PDE10A: variants seen among roughly 807,000 people sequenced by gnomAD.
PDE10A encodes the protein phosphodiesterase 10A.
A neutral mutation model predicts 97.7 loss-of-function variants in PDE10A; 39 were observed. The ratio of observed to expected loss-of-function variants is 0.40; its 90% CI spans 0.31 to 0.52. The LOEUF is 0.52. PDE10A is among the 20% of genes least tolerant of loss of function. PDE10A has a pLI of 0.56. For missense variants in PDE10A, 731 were observed against 1,047.8 expected, an observed-to-expected ratio of 0.70 and a Z score of 4.17; for synonymous variants, 371 against 376.8, an observed-to-expected ratio of 0.98 and a Z score of 0.18.
At chr6:165,490,833 T>A (rs1780185826) in intron 2 of PDE10A, among the ~76,000 whole-genome samples, 1 of 152,136 alleles carries the variant, frequency 6.6e-6, no homozygotes, top group African/African-American at 2.4e-5. Flanking sequence ...CATATACCTG[T>A]AATCTCAGCT....
chr6:165,619,232 G>GTGT (rs1222279667), intron 1 of PDE10A, among the ~76,000 whole-genome samples: 2 of 147,322 alleles, frequency 1.4e-5, no homozygotes, highest in African/African-American at 5.3e-5. Flanking sequence ...GTGTAGTGTA[G>GTGT]ACTAGTGTGG....
intron 1 of PDE10A, among the ~76,000 whole-genome samples, chr6:165,882,837 G>A (rs1405738514): frequency 1.3e-5 from 2 of 151,712 alleles, no homozygotes; most frequent in Non-Finnish European, 2.9e-5. Context: ...TGTTTCCAGG[G>A]CCTCTAGAAT....
chr6:165,678,413 CCTT>C (rs1236585213), intron 1 of PDE10A, among the ~76,000 whole-genome samples: 2 of 140,872 alleles, frequency 1.4e-5, no homozygotes, highest in African/African-American at 5.3e-5. Flanking sequence ...TGTACTCAGA[CCTT>C]CTTTTCTGTA....
At chr6:165,658,190 A>G (rs1449615462) in intron 1 of PDE10A, among the ~76,000 whole-genome samples, 1 of 152,134 alleles carries the variant, frequency 6.6e-6, no homozygotes, top group East Asian at 1.9e-4. Context: ...AAGAGATCAT[A>G]TTTATCTCAG....
chr6:165,607,033 T>C (rs1399456475), intron 1 of PDE10A, among the ~76,000 whole-genome samples: 1 of 152,224 alleles, frequency 6.6e-6, no homozygotes, highest in African/African-American at 2.4e-5. Context: ...ATTATTGTCA[T>C]GTTTTATCTA....
At chr6:165,785,786 C>T (rs1343432337) in intron 1 of PDE10A, among the ~76,000 whole-genome samples, 2 of 152,158 alleles carry the variant, frequency 1.3e-5, no homozygotes, top group African/African-American at 2.4e-5. Context: ...ATGTTAGCAT[C>T]GCCTGGGAAC....
intron 17 of PDE10A, among the ~76,000 whole-genome samples, chr6:165,386,886 G>C (rs951216730): frequency 2.0e-5 from 3 of 151,642 alleles, no homozygotes; most frequent in Non-Finnish European, 4.4e-5. Flanking sequence ...CATGGTGGTG[G>C]GCTCCTGTAG....
At chr6:165,554,118 A>G (rs1447200011) in intron 1 of PDE10A, among the ~76,000 whole-genome samples, 1 of 152,210 alleles carries the variant, frequency 6.6e-6, no homozygotes, top group East Asian at 1.9e-4. Context: ...TGTCTTGAGC[A>G]ATACCTCATA....
At chr6:165,459,723 A>G (rs147621496) in intron 3 of PDE10A, among the ~76,000 whole-genome samples, 32 of 152,260 alleles carry the variant, frequency 2.1e-4, no homozygotes, top group African/African-American at 7.7e-4. Flanking sequence ...TTAGTTGATT[A>G]TATCAAGGCC....
chr6:165,590,517 T>C (rs1390534973), intron 1 of PDE10A, among the ~76,000 whole-genome samples: 1 of 152,246 alleles, frequency 6.6e-6, no homozygotes, highest in Non-Finnish European at 1.5e-5. Context: ...GTGCTTATTA[T>C]GTGCCATGTA....
At chr6:165,963,301 C>T (rs1004725617) in intron 1 of PDE10A, among the ~76,000 whole-genome samples, 2 of 152,206 alleles carry the variant, frequency 1.3e-5, no homozygotes, top group Admixed American at 6.5e-5. Flanking sequence ...TAATGACTTA[C>T]ATCTGAATAA....
chr6:165,919,366 C>G (rs1294732388), intron 1 of PDE10A, among the ~76,000 whole-genome samples: 1 of 152,190 alleles, frequency 6.6e-6, no homozygotes, highest in African/African-American at 2.4e-5. Flanking sequence ...CATGGCTGAG[C>G]TGCCCCAGGC....
intron 1 of PDE10A, among the ~76,000 whole-genome samples, chr6:165,766,625 G>A (rs983868403): frequency 6.6e-6 from 1 of 152,180 alleles, no homozygotes; most frequent in Non-Finnish European, 1.5e-5. Flanking sequence ...TATTAGTTAT[G>A]TGGAAAACAC....
chr6:165,717,595 A>AAG (rs1266458743), intron 1 of PDE10A, among the ~76,000 whole-genome samples: 1 of 151,648 alleles, frequency 6.6e-6, no homozygotes, highest in Admixed American at 6.6e-5. Context: ...AAAAAAAAAA[A>AAG]GTGTATAAAT....
intron 13 of PDE10A, among the ~76,000 whole-genome samples, chr6:165,403,901 C>T (rs1511747): frequency 0.31 from 46,600 of 152,014 alleles, 7,853 homozygotes; most frequent in Middle Eastern, 0.38. Flanking sequence ...GCAAGTTACG[C>T]GATTTCATTC....
At chr6:165,909,652 C>T (rs1782399866) in intron 1 of PDE10A, among the ~76,000 whole-genome samples, 1 of 152,182 alleles carries the variant, frequency 6.6e-6, no homozygotes, top group African/African-American at 2.4e-5. Context: ...CGGGTGGTGC[C>T]AGGCCTGCAG....
intron 1 of PDE10A, among the ~76,000 whole-genome samples, chr6:165,981,953 G>A (rs1785033349): frequency 6.6e-6 from 1 of 152,218 alleles, no homozygotes; most frequent in Non-Finnish European, 1.5e-5. Context: ...ATGTAGGTCA[G>A]TTAGCAACAT....
intron 1 of PDE10A, among the ~76,000 whole-genome samples, chr6:165,912,477 T>C (rs879835216): frequency 3.9e-5 from 6 of 152,202 alleles, no homozygotes; most frequent in Admixed American, 6.5e-5. Context: ...CAGCCCATTC[T>C]GTAAATGTGT....
At chr6:165,898,770 G>A (rs1200509250) in intron 1 of PDE10A, among the ~76,000 whole-genome samples, 1 of 152,018 alleles carries the variant, frequency 6.6e-6, no homozygotes, top group Non-Finnish European at 1.5e-5. Context: ...TGGCATGGTA[G>A]GTCTGGAAGG....
Sources: allele counts gnomAD v4.1 joint callset (sites outside exome capture counted in the v4.1 genomes callset), GRCh38; gene constraint gnomAD v4.1.1; transcripts MANE v1.5; gene names NCBI Gene and HGNC (gene_info 2026-07-23, HGNC 2026-07-21).